Variants in TXNDC16 observed in about 807,000 individuals in gnomAD.
TXNDC16 encodes thioredoxin domain containing 16.
TXNDC16 carries 74 observed loss-of-function variants against 85.6 expected under a neutral mutation model. The ratio of observed to expected loss-of-function variants is 0.86; its 90% CI spans 0.72 to 1.05. The LOEUF is 1.05. Among genes scored for constraint, TXNDC16 ranks in the 50% least tolerant of loss-of-function variants. TXNDC16 has a pLI of 0.00. For missense variants in TXNDC16, 959 were observed against 947.0 expected, an observed-to-expected ratio of 1.01 and a Z score of -0.17; for synonymous variants, 335 against 326.5, an observed-to-expected ratio of 1.03 and a Z score of -0.28.
At position 52,432,537 on chromosome 14, in the gene TXNDC16, G is replaced by A; in HGVS notation, c.2245C>T (p.Leu749=). Residue 749 remains leucine, a synonymous_variant, in exon 21 of 21, where the codon CTA becomes TTA. Coordinates refer to ENST00000281741, the MANE Select transcript of TXNDC16 (RefSeq NM_020784.3). Reference sequence around the variant, plus strand: ...GATGTTGCGGCATCTATCATACTTAGAAAATCATAAGCTGGAAGAGGAGGT... The same window carrying A: ...GATGTTGCGGCATCTATCATACTTAAAAAATCATAAGCTGGAAGAGGAGGT... ...WKPPLPAYDF[L]SMIDAATSQR... 6.2e-7 allele frequency: 1 copy of A among 1,612,408 alleles called. No homozygotes were observed.
intron 6 of TXNDC16, among the ~76,000 whole-genome samples, chr14:52,534,690 A>G (rs2037659694): frequency 6.6e-6 from 1 of 152,192 alleles, no homozygotes. Context: ...TGGATCCATT[A>G]GCCCTTATGC....
At chr14:52,488,340 G>C (rs776303657) in intron 12 of TXNDC16, 23 bp downstream of exon 12, 2 of 1,609,740 alleles carry the variant, frequency 1.2e-6, no homozygotes, top group Middle Eastern at 3.4e-4. Context: ...GATGGGGAAG[G>C]GGTGAGAATC....
At chr14:52,454,649 C>CAAAAAAAAAAAAAAA (rs34727206) in intron 18 of TXNDC16, among the ~76,000 whole-genome samples, 1 of 60,392 alleles carries the variant, frequency 1.7e-5, no homozygotes, top group Non-Finnish European at 3.2e-5. Flanking sequence ...ACTAAAAATA[C>CAAAAAAAAAAAAAAA]AAAAAAAAAA....
intron 20 of TXNDC16, among the ~76,000 whole-genome samples, chr14:52,437,334 TA>T (rs2035052548): frequency 6.6e-6 from 1 of 152,118 alleles, no homozygotes; most frequent in African/African-American, 2.4e-5. Context: ...CTGTTAGAAC[TA>T]ATCAACAAAT....
chr14:52,440,798 ATCAC>A, intron 18 of TXNDC16, 74 bp from the exon 19 acceptor site: 1 of 1,365,018 alleles, frequency 7.3e-7, no homozygotes, highest in Non-Finnish European at 1.0e-6. Flanking sequence ...AGACATTCAA[ATCAC>A]TCAGTCAATT....
chr14:52,549,728 C>T (rs1170888239), intron 1 of TXNDC16, among the ~76,000 whole-genome samples: 5 of 151,386 alleles, frequency 3.3e-5, no homozygotes, highest in African/African-American at 1.2e-4. Context: ...AGTTCTGCCT[C>T]CCCGGTTCAT....
chr14:52,498,560 C>T (rs575717720), intron 9 of TXNDC16, among the ~76,000 whole-genome samples: 2 of 152,046 alleles, frequency 1.3e-5, no homozygotes, highest in South Asian at 4.2e-4. Flanking sequence ...AAAATAATCC[C>T]ATTTACAATA....
At chr14:52,473,579 G>A (rs372739795) in intron 14 of TXNDC16, among the ~76,000 whole-genome samples, 18 of 152,174 alleles carry the variant, frequency 1.2e-4, no homozygotes, top group African/African-American at 4.1e-4. Flanking sequence ...TTATACTGAA[G>A]TTATCAATTC....
At position 52,430,619 on chromosome 14, in the gene TXNDC16, T is replaced by C. The variant is rs1240790637; in HGVS notation, c.*1685A>G. 2.6e-5 allele frequency: 4 copies of C among 152,234 alleles called. No homozygotes were observed. Among genetic ancestry groups the C allele is most frequent in the Admixed American group, 2.6e-4 (4 of 15,288 alleles). The allele number at this position is 152,234 out of a possible 1,614,324, so 9.4% of individuals were successfully genotyped here. On this transcript the variant is annotated 3_prime_UTR_variant, in exon 21 of 21. Coordinates refer to ENST00000281741, the MANE Select transcript of TXNDC16 (RefSeq NM_020784.3). ...GGTATTCTGAAACCCAGACACTTTA[T>C]TTAAAATTATGACAAACATTAATGA...
chr14:52,467,810 C>T (rs1306666671), intron 16 of TXNDC16, among the ~76,000 whole-genome samples: 5 of 152,040 alleles, frequency 3.3e-5, no homozygotes, highest in East Asian at 1.9e-4. Context: ...TGTTCACAAC[C>T]GCGTTATTCA....
At chr14:52,523,520 AC>A (rs2037260376) in intron 6 of TXNDC16, among the ~76,000 whole-genome samples, 1 of 152,226 alleles carries the variant, frequency 6.6e-6, no homozygotes, top group Non-Finnish European at 1.5e-5. Flanking sequence ...GAAAAAAAAG[AC>A]AGAGAGAAAT....
chr14:52,436,602 T>C (rs1489515058), intron 20 of TXNDC16, among the ~76,000 whole-genome samples: 1 of 152,214 alleles, frequency 6.6e-6, no homozygotes, highest in Non-Finnish European at 1.5e-5. Context: ...ACCATCCATA[T>C]TTTATTTAAG....
intron 4 of TXNDC16, among the ~76,000 whole-genome samples, chr14:52,537,970 G>C (rs1446591182): frequency 6.6e-6 from 1 of 152,182 alleles, no homozygotes; most frequent in African/African-American, 2.4e-5. Context: ...AAGCACAAAA[G>C]TGAGTGCTAA....
At chr14:52,471,521 G>C (rs967658172) in intron 14 of TXNDC16, among the ~76,000 whole-genome samples, 1 of 152,194 alleles carries the variant, frequency 6.6e-6, no homozygotes, top group South Asian at 2.1e-4. Context: ...TCTACATCAG[G>C]TTCCCTTGAC....
rs1322930869 is a variant in TXNDC16, at chr14:52,533,813, T to C, written c.392+2906A>G. Among the ~76,000 whole-genome samples, 5 of 151,674 alleles carry C rather than the reference T, an allele frequency of 3.3e-5. No individual in the cohort carries two copies. In the East Asian group the frequency reaches 9.7e-4, roughly 29 times the overall value. On this transcript the variant is annotated intron_variant, in intron 6 of 20. Coordinates refer to ENST00000281741, the MANE Select transcript of TXNDC16 (RefSeq NM_020784.3). Reference sequence around the variant, plus strand: ...CATGGACTTGAGGGAACAAAAGGGGTGTGGGGTAAGAGCGGAAAGGCCCTG... The same window carrying C: ...CATGGACTTGAGGGAACAAAAGGGGCGTGGGGTAAGAGCGGAAAGGCCCTG...
intron 16 of TXNDC16, among the ~76,000 whole-genome samples, chr14:52,461,852 C>G (rs185197489): frequency 6.6e-6 from 1 of 152,348 alleles, no homozygotes; most frequent in Non-Finnish European, 1.5e-5. Flanking sequence ...AAGATGTGTG[C>G]AAAGCTCTAG....
At chr14:52,511,124 T>G in intron 9 of TXNDC16, 116 bp downstream of exon 9, 1 of 851,932 alleles carries the variant, frequency 1.2e-6, no homozygotes. Flanking sequence ...ATTCATCTAG[T>G]AAAACATGCA....
intron 20 of TXNDC16, among the ~76,000 whole-genome samples, chr14:52,435,792 C>G (rs1341576802): frequency 1.3e-5 from 2 of 151,920 alleles, no homozygotes; most frequent in African/African-American, 4.8e-5. Flanking sequence ...GAGACCCTGT[C>G]TCTACAAAAA....
chr14:52,513,665 T>C (rs2037009326), intron 8 of TXNDC16, among the ~76,000 whole-genome samples: 2 of 126,788 alleles, frequency 1.6e-5, no homozygotes, highest in South Asian at 5.6e-4. Context: ...TGTGTGTGTG[T>C]ATATACATAT....
Sources: gnomAD v4.1 joint callset for allele counts (sites outside exome capture counted in the v4.1 genomes callset) on GRCh38, gnomAD v4.1.1 for gene constraint, MANE v1.5 for transcripts, NCBI Gene and HGNC (gene_info 2026-07-23, HGNC 2026-07-21) for gene names.